The following FBXO21 variants were observed in gnomAD, a reference collection of about 807,000 sequenced individuals.
FBXO21 encodes the protein F-box only protein 21.
Under a neutral mutation model 76.6 loss-of-function variants are expected in FBXO21, and 32 were observed. The ratio of observed to expected loss-of-function variants is 0.42; its 90% confidence interval spans 0.32 to 0.56. FBXO21 has a LOEUF of 0.56. Ranked by LOEUF, FBXO21 falls within the 20% of genes least tolerant of loss-of-function variation. The probability of loss-of-function intolerance (pLI) is 0.16; values close to 1 mark genes in which losing one functional copy is unlikely to be tolerated. For synonymous variants in FBXO21, 328 were observed against 311.5 expected (o/e 1.05, Z -0.56); for missense variants, 586 against 797.3 (o/e 0.73, Z 3.19).
intron 11 of FBXO21, among the ~76,000 whole-genome samples, chr12:117,150,956 TTGTGTGTGTGTGTGTGTGTG>T (rs3999685): frequency 4.6e-4 from 44 of 94,714 alleles, no homozygotes; most frequent in East Asian, 2.1e-3. Context: ...TCAAATAAGT[TTGTGTGTGTGTGTGTGTGTG>T]TGTGTGTGTG....
At chr12:117,186,371 T>C in intron 3 of FBXO21, 106 bp downstream of exon 3, 1 of 786,184 alleles carries the variant, frequency 1.3e-6, no homozygotes, top group South Asian at 1.5e-5. Context: ...TGACAAGGCG[T>C]GAAATATTTG....
chr12:117,168,903 AAG>A (rs932549781), intron 7 of FBXO21, among the ~76,000 whole-genome samples: 4 of 152,340 alleles, frequency 2.6e-5, no homozygotes, highest in African/African-American at 9.6e-5. Context: ...ACCATTGTGG[AAG>A]AGAGTGTGGT....
intron 11 of FBXO21, 161 bp downstream of exon 11, chr12:117,155,630 C>T (rs763358184): frequency 1.1e-5 from 9 of 801,014 alleles, no homozygotes; most frequent in African/African-American, 1.7e-5. Flanking sequence ...GCAGACCCAG[C>T]CACGTTTAGC....
chr12:117,163,035 G>A lies in FBXO21; in HGVS notation c.1326+2450C>T, dbSNP rs529821565. ...CCAGAGTTTTCCTTGGCTGTCTCAG[G>A]GGCCCTAGCGGGATTATGCATTTAT... On this transcript the variant is annotated intron_variant, in intron 9 of 11. Transcript: ENST00000622495. Among the ~76,000 whole-genome samples the A allele has an allele frequency of 7.2e-5, 11 of 152,286 alleles. No homozygotes were observed. The South Asian group carries it at 1.9e-3, about 26-fold the overall frequency.
chr12:117,180,310 A>C (rs1447331146), intron 3 of FBXO21, among the ~76,000 whole-genome samples: 1 of 152,212 alleles, frequency 6.6e-6, no homozygotes, highest in East Asian at 1.9e-4. Flanking sequence ...TCTTTTCAGC[A>C]AACAGACGTA....
At chr12:117,187,901 AT>A (rs1036817294) in intron 2 of FBXO21, among the ~76,000 whole-genome samples, 5 of 152,234 alleles carry the variant, frequency 3.3e-5, no homozygotes, top group African/African-American at 4.8e-5. Context: ...TAAAATACAA[AT>A]TTTGTTTATT....
At chr12:117,167,974 G>A (rs545054754) in intron 7 of FBXO21, among the ~76,000 whole-genome samples, 2 of 152,266 alleles carry the variant, frequency 1.3e-5, no homozygotes, top group African/African-American at 4.8e-5. Context: ...GCTGGGGCTG[G>A]CCCTCGCTGA....
At chr12:117,181,599 G>GCCTA (rs1555242787) in intron 3 of FBXO21, among the ~76,000 whole-genome samples, 2 of 145,536 alleles carry the variant, frequency 1.4e-5, no homozygotes, top group Non-Finnish European at 3.0e-5. Flanking sequence ...ATCTGAGACA[G>GCCTA]TCTATCTATC....
In FBXO21 at chr12:117,168,322, G is replaced by A. The variant is rs368191395; in HGVS notation, c.1014-1245C>T. On this transcript the variant is annotated intron_variant, in intron 7 of 11. Transcript: ENST00000622495. ...AGGCAGATCACGAGGTCAAGAGATC[G>A]AGACCATCCTGGCCAACATTGTGAA... 3.9e-5 allele frequency among the ~76,000 whole-genome samples: 6 copies of A among 152,176 alleles called. No homozygotes were observed. The East Asian group carries it at 9.7e-4, about 25-fold the overall frequency.
At chr12:117,183,329 C>T (rs374843118) in intron 3 of FBXO21, among the ~76,000 whole-genome samples, 4 of 151,848 alleles carry the variant, frequency 2.6e-5, no homozygotes, top group Non-Finnish European at 5.9e-5. Flanking sequence ...CGGCTCACTG[C>T]AACCTCTGCC....
intron 7 of FBXO21, 66 bp from the exon 8 acceptor site, chr12:117,167,143 T>C: frequency 8.1e-7 from 1 of 1,230,758 alleles, no homozygotes; most frequent in Non-Finnish European, 1.2e-6. Context: ...CCACAGTAAG[T>C]AGCTCAAATC....
At chr12:117,155,647 T>C (rs1299171144) in intron 11 of FBXO21, 144 bp downstream of exon 11, 1 of 905,926 alleles carries the variant, frequency 1.1e-6, no homozygotes, top group Admixed American at 2.5e-5. Flanking sequence ...TAGCTGACTG[T>C]GGGCCCGAAG....
rs1021760357 is a variant in FBXO21, at chr12:117,143,013, G to C, written c.*3074C>G. On this transcript the variant is annotated 3_prime_UTR_variant, in exon 12 of 12. Coordinates refer to ENST00000622495, the MANE Select transcript of FBXO21 (RefSeq NM_015002.3). The stretch of plus-strand genomic sequence containing the variant: ...TTGCTGTGTAAACGCGCTTATAATG[G>C]GGATCTGTTATGAGTCTCAGGCAGG... The C allele has an allele frequency of 8.6e-5, 13 of 151,040 alleles. No homozygotes were observed. Among genetic ancestry groups the C allele is most frequent in the African/African-American group, 3.2e-4 (13 of 40,334 alleles). The allele number at this position is 151,040 out of a possible 1,614,324, so 9.4% of individuals were successfully genotyped here.
At chr12:117,167,191 A>G in intron 7 of FBXO21, 114 bp from the exon 8 acceptor site, 2 of 780,660 alleles carry the variant, frequency 2.6e-6, no homozygotes, top group Non-Finnish European at 4.1e-6. Context: ...TTCTACTTAC[A>G]ATATGAAGGT....
In FBXO21 at chr12:117,165,690, G is replaced by T. The variant is rs998675982; in HGVS notation, c.1194-73C>A. The stretch of plus-strand genomic sequence containing the variant: ...CAAAGACTCTCTTTTTCAAGGCCCA[G>T]GTTTTAAATATAATTGACACAAATC... On this transcript the variant is annotated intron_variant, in intron 8 of 11. Coordinates refer to ENST00000622495, the MANE Select transcript of FBXO21 (RefSeq NM_015002.3). 7 of 1,421,206 alleles carry T rather than the reference G, an allele frequency of 4.9e-6. No homozygotes were observed. In the East Asian group the frequency reaches 1.2e-4, roughly 24 times the overall value. The allele number at this position is 1,421,206 out of a possible 1,614,324, so 88.0% of individuals were successfully genotyped here.
intron 9 of FBXO21, among the ~76,000 whole-genome samples, chr12:117,159,002 T>C (rs1955947674): frequency 6.6e-6 from 1 of 152,246 alleles, no homozygotes. Flanking sequence ...ACCTGGACTC[T>C]AGGCCCAGAT....
At chr12:117,160,743 C>A (rs900820404) in intron 9 of FBXO21, among the ~76,000 whole-genome samples, 3 of 152,160 alleles carry the variant, frequency 2.0e-5, no homozygotes, top group African/African-American at 7.2e-5. Flanking sequence ...GATCCTCCCA[C>A]CTCAGCCTCG....
chr12:117,171,357 CAAAAAAAA>C, intron 7 of FBXO21, among the ~76,000 whole-genome samples: 1 of 52,664 alleles, frequency 1.9e-5, no homozygotes, highest in South Asian at 8.4e-4. Flanking sequence ...GACCCTGTCT[CAAAAAAAA>C]AAAAAAAAAA....
Position 117,165,488 on chromosome 12 carries a change from C to T in FBXO21, c.1323G>A (p.Glu441=), listed in dbSNP as rs1332638296. The change falls in exon 9 of 12, where the codon GAG becomes GAA. Residue 441 remains glutamate (E), a synonymous_variant. Transcript: ENST00000622495. Reference sequence around the variant, plus strand: ...AGCATCAAAGTAAAATAATTACCTTCTCTGGCCAGATTCCCAGGTGGAAGT... The same window carrying T: ...AGCATCAAAGTAAAATAATTACCTTTTCTGGCCAGATTCCCAGGTGGAAGT... ...RLYFHLGIWP[E]KVLDILQHIQ... 6.2e-7 allele frequency: 1 copy of T among 1,613,668 alleles called. No homozygotes were observed. Among genetic ancestry groups the T allele is most frequent in the East Asian group, 2.2e-5 (1 of 44,884 alleles).
Sources: allele counts gnomAD v4.1 joint callset (sites outside exome capture counted in the v4.1 genomes callset), GRCh38; gene constraint gnomAD v4.1.1; transcripts MANE v1.5; gene names NCBI Gene and HGNC (gene_info 2026-07-23, HGNC 2026-07-21).